Variants in ULK4 observed in about 807,000 individuals in gnomAD.
ULK4 encodes the protein inactive serine/threonine-protein kinase ULK4.
ULK4 carries 133 observed loss-of-function variants against 160.6 expected under a neutral mutation model. That is an observed-to-expected ratio of 0.83 (90% CI 0.72 to 0.96). ULK4 has a LOEUF of 0.96. Among genes scored for constraint, ULK4 ranks in the 40% least tolerant of loss-of-function variants. ULK4 has a pLI of 0.00. For missense variants in ULK4, 1,580 were observed against 1,499.5 expected (o/e 1.05, Z -0.89); for synonymous variants, 534 against 539.8 (o/e 0.99, Z 0.15).
intron 35 of ULK4, among the ~76,000 whole-genome samples, chr3:41,288,811 T>A (rs971775357): frequency 1.3e-5 from 2 of 152,192 alleles, no homozygotes; most frequent in African/African-American, 4.8e-5. Context: ...ACCTGCCCAG[T>A]GGCTGTGTAT....
At chr3:41,717,658 T>C in intron 23 of ULK4, 70 bp downstream of exon 23, 1 of 1,549,780 alleles carries the variant, frequency 6.5e-7, no homozygotes, top group Non-Finnish European at 8.8e-7. Flanking sequence ...AAAAAAGAAC[T>C]GATGCCTAAA....
At position 41,962,095 on chromosome 3, in the gene ULK4, C is replaced by G. The variant is rs1700697203; in HGVS notation, c.-128G>C. The G allele has an allele frequency of 6.6e-6, 1 of 152,426 alleles. No individual in the cohort carries two copies. Among genetic ancestry groups the G allele is most frequent in the South Asian group, 2.1e-4 (1 of 4,840 alleles). The allele number at this position is 152,426 out of a possible 1,614,324, so 9.4% of individuals were successfully genotyped here. On this transcript the variant is annotated 5_prime_UTR_variant, in exon 1 of 37. Coordinates refer to ENST00000301831, the MANE Select transcript of ULK4 (RefSeq NM_017886.4). ...GCGCATCTCGGCCTCTGCCTCAGGACAGGTCCACAGGCCCAAGAATGGGGG... is the reference window on the plus strand; with the variant it reads ...GCGCATCTCGGCCTCTGCCTCAGGAGAGGTCCACAGGCCCAAGAATGGGGG...
intron 35 of ULK4, among the ~76,000 whole-genome samples, chr3:41,397,145 T>C (rs1241056199): frequency 6.6e-6 from 1 of 152,120 alleles, no homozygotes; most frequent in Non-Finnish European, 1.5e-5. Flanking sequence ...ACCCCCATCC[T>C]TTATTAACTT....
intron 34 of ULK4, among the ~76,000 whole-genome samples, chr3:41,426,429 A>G (rs2082777034): frequency 1.3e-5 from 2 of 152,200 alleles, no homozygotes; most frequent in Non-Finnish European, 1.5e-5. Flanking sequence ...GATTTGACAG[A>G]TATCTACAGA....
At chr3:41,652,558 G>A (rs931596106) in intron 30 of ULK4, among the ~76,000 whole-genome samples, 2 of 152,240 alleles carry the variant, frequency 1.3e-5, no homozygotes, top group Admixed American at 1.3e-4. Flanking sequence ...ATCTATGACA[G>A]TGGGAGAAAG....
At chr3:41,783,490 C>T (rs1210002375) in intron 21 of ULK4, among the ~76,000 whole-genome samples, 1 of 151,264 alleles carries the variant, frequency 6.6e-6, no homozygotes, top group African/African-American at 2.4e-5. Flanking sequence ...GAGCCGAGAT[C>T]ATGCCACTAC....
intron 2 of ULK4, among the ~76,000 whole-genome samples, chr3:41,953,604 C>T (rs1292397062): frequency 6.6e-6 from 1 of 151,934 alleles, no homozygotes; most frequent in Non-Finnish European, 1.5e-5. Context: ...AGGTATGGTC[C>T]AAGAAGCCTA....
intron 29 of ULK4, among the ~76,000 whole-genome samples, chr3:41,664,162 T>C (rs1439456072): frequency 6.6e-6 from 1 of 152,200 alleles, no homozygotes; most frequent in Non-Finnish European, 1.5e-5. Context: ...TTCAGTGAGA[T>C]AATCCATGTA....
chr3:41,410,578 T>C (rs946708675), intron 34 of ULK4, among the ~76,000 whole-genome samples: 132 of 152,338 alleles, frequency 8.7e-4, no homozygotes, highest in African/African-American at 3.1e-3. Context: ...GAAAATATTC[T>C]GGAATTAGAT....
At chr3:41,402,687 C>T (rs1014662763) in intron 34 of ULK4, among the ~76,000 whole-genome samples, 1 of 152,080 alleles carries the variant, frequency 6.6e-6, no homozygotes, top group Admixed American at 6.6e-5. Flanking sequence ...TTAAACAAGC[C>T]TTGCACATCT....
intron 5 of ULK4, among the ~76,000 whole-genome samples, chr3:41,924,571 T>C (rs1699312309): frequency 6.6e-6 from 1 of 152,216 alleles, no homozygotes; most frequent in African/African-American, 2.4e-5. Context: ...AAATATACCA[T>C]TGACCTTGTT....
chr3:41,605,923 A>C (rs1003908071), intron 31 of ULK4, among the ~76,000 whole-genome samples: 20 of 152,068 alleles, frequency 1.3e-4, no homozygotes, highest in African/African-American at 4.6e-4. Flanking sequence ...ACTACAGTGT[A>C]ATTAAAATCA....
chr3:41,261,596 A>G (rs9838277), intron 35 of ULK4, among the ~76,000 whole-genome samples: 30,960 of 152,124 alleles, frequency 0.2, 5,414 homozygotes, highest in African/African-American at 0.47. Context: ...TATCTTGTAT[A>G]AATGGCTTGC....
chr3:41,717,670 G>A, intron 23 of ULK4, 58 bp downstream of exon 23: 1 of 1,557,976 alleles, frequency 6.4e-7, no homozygotes, highest in Non-Finnish European at 8.8e-7. Flanking sequence ...ATGCCTAAAA[G>A]CCAAGTCTTA....
At chr3:41,323,183 C>T (rs1031095155) in intron 35 of ULK4, among the ~76,000 whole-genome samples, 1 of 151,690 alleles carries the variant, frequency 6.6e-6, no homozygotes. Flanking sequence ...GTGATCTGCC[C>T]GCCTTGGCCT....
intron 35 of ULK4, among the ~76,000 whole-genome samples, chr3:41,339,114 G>A (rs2080627244): frequency 6.6e-6 from 1 of 151,854 alleles, no homozygotes; most frequent in African/African-American, 2.4e-5. Flanking sequence ...ACATAATTTA[G>A]CTACCACAAG....
At chr3:41,492,963 C>T (rs1264786744) in intron 32 of ULK4, among the ~76,000 whole-genome samples, 4 of 142,634 alleles carry the variant, frequency 2.8e-5, no homozygotes, top group African/African-American at 1.0e-4. Context: ...ACTTAGACTC[C>T]CACACAATAA....
At chr3:41,300,885 A>ATT (rs2079782239) in intron 35 of ULK4, among the ~76,000 whole-genome samples, 1 of 110,254 alleles carries the variant, frequency 9.1e-6, no homozygotes, top group Non-Finnish European at 1.9e-5. Flanking sequence ...ATATATATAT[A>ATT]TTTGGTATCT....
At chr3:41,573,123 G>T (rs1351408798) in intron 31 of ULK4, among the ~76,000 whole-genome samples, 1 of 152,166 alleles carries the variant, frequency 6.6e-6, no homozygotes. Flanking sequence ...ATAAAACACA[G>T]CACTTGCCAG....
Sources: allele counts gnomAD v4.1 joint callset (sites outside exome capture counted in the v4.1 genomes callset), GRCh38; gene constraint gnomAD v4.1.1; transcripts MANE v1.5; gene names NCBI Gene and HGNC (gene_info 2026-07-23, HGNC 2026-07-21).